The following RAB27B variants were observed in gnomAD, a reference collection of about 807,000 sequenced individuals.
RAB27B encodes RAB27B, member RAS oncogene family, also known as ras-related protein Rab-27B.
A neutral mutation model predicts 24.6 loss-of-function variants in RAB27B; 15 were observed. The ratio of observed to expected loss-of-function variants is 0.61; its 90% CI spans 0.41 to 0.94. The LOEUF is 0.94. RAB27B is among the 40% of genes least tolerant of loss of function. RAB27B has a pLI of 0.00. For missense variants in RAB27B, 261 were observed against 266.8 expected, an observed-to-expected ratio of 0.98 and a Z score of 0.15; for synonymous variants, 105 against 92.5, an observed-to-expected ratio of 1.14 and a Z score of -0.78.
At chr18:54,829,441 T>C (rs1184037629) in intron 1 of RAB27B, among the ~76,000 whole-genome samples, 6 of 152,252 alleles carry the variant, frequency 3.9e-5, no homozygotes, top group Admixed American at 3.9e-4. Context: ...GAGTTTTTTA[T>C]GTCAAGATGT....
chr18:54,781,060 T>A (rs897566883), intron 2 of RAB27B, among the ~76,000 whole-genome samples: 1 of 152,172 alleles, frequency 6.6e-6, no homozygotes, highest in Non-Finnish European at 1.5e-5. Context: ...GAGGCTAAGC[T>A]GGTTTCACCT....
chr18:54,793,795 G>A (rs964384722), intron 2 of RAB27B, among the ~76,000 whole-genome samples: 3 of 152,196 alleles, frequency 2.0e-5, no homozygotes, highest in Non-Finnish European at 2.9e-5. Flanking sequence ...CCTGCAGTCC[G>A]AACTATTCGG....
At chr18:54,792,667 A>G (rs1374416990) in intron 2 of RAB27B, among the ~76,000 whole-genome samples, 1 of 152,164 alleles carries the variant, frequency 6.6e-6, no homozygotes, top group Non-Finnish European at 1.5e-5. Context: ...CTTCTTTCAT[A>G]TTCCAAACAA....
chr18:54,724,981 C>T (rs969993438), intron 2 of RAB27B, among the ~76,000 whole-genome samples: 3 of 151,406 alleles, frequency 2.0e-5, no homozygotes, highest in Admixed American at 6.6e-5. Flanking sequence ...TACTTTAGGG[C>T]GCAGTAAGAG....
intron 1 of RAB27B, among the ~76,000 whole-genome samples, chr18:54,868,630 G>GTTTC (rs1912340186): frequency 1.4e-5 from 2 of 145,046 alleles, no homozygotes; most frequent in Non-Finnish European, 3.0e-5. Flanking sequence ...TTGTTTGTTT[G>GTTTC]TTTGTTTTTT....
At chr18:54,779,727 T>C (rs968415959) in intron 2 of RAB27B, among the ~76,000 whole-genome samples, 5 of 152,196 alleles carry the variant, frequency 3.3e-5, no homozygotes, top group African/African-American at 9.7e-5. Flanking sequence ...CTAAGACCTA[T>C]TGCATTAATT....
At chr18:54,752,352 A>C (rs1469672906) in intron 2 of RAB27B, among the ~76,000 whole-genome samples, 1 of 152,172 alleles carries the variant, frequency 6.6e-6, no homozygotes, top group Non-Finnish European at 1.5e-5. Flanking sequence ...CCATGCTCCA[A>C]AGATTATGAG....
chr18:54,853,137 T>C (rs554398609), intron 1 of RAB27B, among the ~76,000 whole-genome samples: 1 of 152,292 alleles, frequency 6.6e-6, no homozygotes, highest in African/African-American at 2.4e-5. Context: ...TCAGTAAAGG[T>C]TGGATGAACT....
At chr18:54,864,860 G>C (rs1162077939) in intron 1 of RAB27B, among the ~76,000 whole-genome samples, 6 of 152,114 alleles carry the variant, frequency 3.9e-5, no homozygotes, top group Non-Finnish European at 7.4e-5. Flanking sequence ...TTATTTTTCA[G>C]TCAAGATCAT....
chr18:54,740,589 T>A (rs567370061), intron 2 of RAB27B, among the ~76,000 whole-genome samples: 1 of 152,302 alleles, frequency 6.6e-6, no homozygotes, highest in East Asian at 1.9e-4. Flanking sequence ...CATGTCACTT[T>A]CTCTCAAGTA....
intron 2 of RAB27B, among the ~76,000 whole-genome samples, chr18:54,742,527 A>G (rs577571843): frequency 6.6e-6 from 1 of 152,166 alleles, no homozygotes; most frequent in East Asian, 1.9e-4. Flanking sequence ...CTAAGAATAC[A>G]TTTGCTATGT....
intron 2 of RAB27B, among the ~76,000 whole-genome samples, chr18:54,731,837 T>G (rs1468029651): frequency 6.6e-6 from 1 of 152,206 alleles, no homozygotes; most frequent in Non-Finnish European, 1.5e-5. Flanking sequence ...TTACTCACAA[T>G]GTTAAAAAAT....
chr18:54,794,468 G>A (rs190798954), intron 2 of RAB27B, among the ~76,000 whole-genome samples: 9 of 152,276 alleles, frequency 5.9e-5, no homozygotes, highest in Non-Finnish European at 1.2e-4. Flanking sequence ...CTCTTACAGC[G>A]TAAAAACAAA....
rs531948750 is a variant in RAB27B, at chr18:54,858,900, G to A, written c.-19-18667G>A. Reference sequence around the variant, plus strand: ...TCAATAAACTGGAAGTGTCAGATACGGCAAATCTATTCTTTGTGAATGACA... The same window carrying A: ...TCAATAAACTGGAAGTGTCAGATACAGCAAATCTATTCTTTGTGAATGACA... On this transcript the variant is annotated intron_variant, in intron 1 of 5. Transcript: ENST00000262094. Among the ~76,000 whole-genome samples, 35 of 152,184 alleles carry A rather than the reference G, an allele frequency of 2.3e-4. No homozygotes were observed. In the South Asian group the frequency reaches 5.6e-3, roughly 24 times the overall value.
At chr18:54,816,425 A>G (rs1268323117) in intron 2 of RAB27B, among the ~76,000 whole-genome samples, 1 of 152,218 alleles carries the variant, frequency 6.6e-6, no homozygotes, top group African/African-American at 2.4e-5. Context: ...ATCAGTAAGT[A>G]TATCCGTGCC....
intron 2 of RAB27B, among the ~76,000 whole-genome samples, chr18:54,808,241 G>A (rs188251161): frequency 7.8e-4 from 118 of 152,198 alleles, no homozygotes; most frequent in Admixed American, 2.9e-3. Context: ...ACTCAGGCTT[G>A]GTACAGATGA....
intron 2 of RAB27B, among the ~76,000 whole-genome samples, chr18:54,768,276 T>C (rs1908429047): frequency 6.6e-6 from 1 of 152,086 alleles, no homozygotes. Context: ...AGCACAAAGG[T>C]GTTTGTAAAA....
At chr18:54,723,110 C>A (rs1293905249) in intron 2 of RAB27B, among the ~76,000 whole-genome samples, 1 of 152,162 alleles carries the variant, frequency 6.6e-6, no homozygotes, top group Non-Finnish European at 1.5e-5. Context: ...CAGCCACAGA[C>A]AAATTGACAT....
At chr18:54,849,674 T>C (rs1305894918) in intron 1 of RAB27B, among the ~76,000 whole-genome samples, 1 of 152,174 alleles carries the variant, frequency 6.6e-6, no homozygotes, top group Non-Finnish European at 1.5e-5. Context: ...TGAGCTGAGA[T>C]AGTTCCACTG....
Sources: gnomAD v4.1 joint callset for allele counts (sites outside exome capture counted in the v4.1 genomes callset) on GRCh38, gnomAD v4.1.1 for gene constraint, MANE v1.5 for transcripts, NCBI Gene and HGNC (gene_info 2026-07-23, HGNC 2026-07-21) for gene names.